The following CHRNA1 variants were observed in gnomAD, a reference collection of about 807,000 sequenced individuals.
CHRNA1 encodes acetylcholine receptor subunit alpha.
Under a neutral mutation model 47.1 loss-of-function variants are expected in CHRNA1, and 35 were observed. The ratio of observed to expected loss-of-function variants is 0.74; its 90% CI spans 0.57 to 0.99. The LOEUF is 0.99. Among genes scored for constraint, CHRNA1 ranks in the 50% least tolerant of loss-of-function variants. The pLI is 0.00. For missense variants in CHRNA1, 506 were observed against 591.1 expected (o/e 0.86, Z 1.49); for synonymous variants, 229 against 223.6 (o/e 1.02, Z -0.22).
In CHRNA1 at chr2:174,757,561, C is replaced by T; in HGVS notation, c.344+5G>A. Reference sequence around the variant, plus strand: ...CACCCTCCGCCACCCATGCAGTTTGCTCACTTGTTATAGAGAACAAGGTCT... The same window carrying T: ...CACCCTCCGCCACCCATGCAGTTTGTTCACTTGTTATAGAGAACAAGGTCT... On this transcript the variant is annotated splice_donor_5th_base_variant and intron_variant, in intron 4 of 8. Transcript: ENST00000348749. The T allele has an allele frequency of 1.2e-6, 2 of 1,611,760 alleles. No individual in the cohort carries two copies. The highest frequency in any genetic ancestry group is 8.5e-7 in the Non-Finnish European group (1 of 1,177,854).
At chr2:174,750,796 G>A (rs1190762591) in intron 6 of CHRNA1, among the ~76,000 whole-genome samples, 1 of 152,136 alleles carries the variant, frequency 6.6e-6, no homozygotes, top group Non-Finnish European at 1.5e-5. Flanking sequence ...TCATGCTCCA[G>A]ATTTCTGATT....
chr2:174,747,929 G>T lies in CHRNA1; in HGVS notation c.*195C>A. The T allele has an allele frequency of 1.5e-6, 1 of 658,994 alleles. No individual in the cohort carries two copies. Among genetic ancestry groups the T allele is most frequent in the East Asian group, 3.0e-5 (1 of 33,410 alleles). 40.8% of individuals were successfully genotyped at this position (658,994 alleles called of 1,614,324 possible). On this transcript the variant is annotated 3_prime_UTR_variant, in exon 9 of 9. Coordinates refer to ENST00000348749, the MANE Select transcript of CHRNA1 (RefSeq NM_000079.4). ...GGGTTCACTCTTCAGGGAGACAGCAGAACTAAAGGGAGAAGCAATATGAAA... is the reference window on the plus strand; with the variant it reads ...GGGTTCACTCTTCAGGGAGACAGCATAACTAAAGGGAGAAGCAATATGAAA...
chr2:174,749,079 C>A (rs1358376249), intron 7 of CHRNA1, among the ~76,000 whole-genome samples: 1 of 152,188 alleles, frequency 6.6e-6, no homozygotes, highest in Admixed American at 6.5e-5. Context: ...CATGTGCAGT[C>A]ATCGACCTGG....
rs1427734969 is a variant in CHRNA1 at position 174,748,132 on chromosome 2, G to A, written c.1366C>T (p.Gln456Ter). The A allele has an allele frequency of 6.2e-7, 1 of 1,614,028 alleles. No individual in the cohort carries two copies. Among genetic ancestry groups the A allele is most frequent in the Admixed American group, 1.7e-5 (1 of 60,016 alleles). The change falls in exon 9 of 9, where the codon CAA (glutamine) becomes TAA (stop). Residue 456 changes from glutamine to a stop codon, truncating the protein, a stop_gained. Coordinates refer to ENST00000348749, the MANE Select transcript of CHRNA1 (RefSeq NM_000079.4). LOFTEE classifies it high-confidence loss of function. ...FAGRLIELNQ[Q>*]G ...CTCAGCTCATTTTCTGCTCATCCTT[G>A]CTGATTTAATTCAATGAGTCGACCT... is the stretch of plus-strand genomic sequence containing the variant.
At position 174,754,322 on chromosome 2, in the gene CHRNA1, C is replaced by CCA. The variant is rs1683926600; in HGVS notation, c.436_437insTG (p.Ser146MetfsTer20). 4 of 1,614,074 alleles carry CCA rather than the reference C, an allele frequency of 2.5e-6. No individual in the cohort carries two copies. Among genetic ancestry groups the CCA allele is most frequent in the Non-Finnish European group, 1.7e-6 (2 of 1,180,048 alleles). ...GTGGGTGACGATGATCTCACAGTAG[C>CCA]TTTTAAAGATGGCTGGAGGTGTCCA... On this transcript the variant is annotated frameshift_variant, in exon 5 of 9. Coordinates refer to ENST00000348749, the MANE Select transcript of CHRNA1 (RefSeq NM_000079.4). LOFTEE classifies it high-confidence loss of function.
At chr2:174,751,916 G>C (rs1172721171) in intron 6 of CHRNA1, among the ~76,000 whole-genome samples, 1 of 152,006 alleles carries the variant, frequency 6.6e-6, no homozygotes. Context: ...CTGACCTCAA[G>C]TGATCCATCC....
intron 6 of CHRNA1, among the ~76,000 whole-genome samples, chr2:174,750,911 C>G (rs33954615): frequency 1.3e-5 from 2 of 151,978 alleles, no homozygotes; most frequent in African/African-American, 4.8e-5. Context: ...TAAAACGGAA[C>G]CACCCCTGGC....
At chr2:174,761,076 T>C (rs553574049) in intron 1 of CHRNA1, among the ~76,000 whole-genome samples, 2 of 152,332 alleles carry the variant, frequency 1.3e-5, no homozygotes, top group East Asian at 3.9e-4. Context: ...CATTTTGTGC[T>C]GAGCTTCTGG....
At chr2:174,749,021 T>C (rs1381351643) in intron 7 of CHRNA1, among the ~76,000 whole-genome samples, 1 of 152,158 alleles carries the variant, frequency 6.6e-6, no homozygotes, top group Non-Finnish European at 1.5e-5. Context: ...TGACTATGGT[T>C]AACAGTGATG....
chr2:174,763,303 CGTGCACGCATGT>C (rs748134892), intron 1 of CHRNA1, among the ~76,000 whole-genome samples: 1 of 141,968 alleles, frequency 7.0e-6, no homozygotes, highest in Non-Finnish European at 1.5e-5. Flanking sequence ...TGTGGTTTTG[CGTGCACGCATGT>C]GTGTGCACGC....
chr2:174,749,105 TA>T (rs1341703473), intron 7 of CHRNA1, among the ~76,000 whole-genome samples: 1 of 152,192 alleles, frequency 6.6e-6, no homozygotes, highest in Admixed American at 6.5e-5. Context: ...CCAATGAGCT[TA>T]AAAGCGTCAG....
At chr2:174,751,792 C>T (rs1272705023) in intron 6 of CHRNA1, among the ~76,000 whole-genome samples, 2 of 151,808 alleles carry the variant, frequency 1.3e-5, no homozygotes, top group Admixed American at 6.6e-5. Flanking sequence ...GATTCTCCTG[C>T]CTCAGCCTCC....
In CHRNA1 at chr2:174,754,324, T is replaced by C. The variant is rs1683926690; in HGVS notation, c.435A>G (p.Lys145=). 2.5e-6 allele frequency: 4 copies of C among 1,614,044 alleles called. No homozygotes were observed. The highest frequency in any genetic ancestry group is 1.7e-6 in the Non-Finnish European group (2 of 1,180,046). The change falls in exon 5 of 9, where the codon AAA becomes AAG. Residue 145 remains lysine, a synonymous_variant. Transcript: ENST00000348749. ...HITWTPPAIF[K]SYCEIIVTHF... ...GGGTGACGATGATCTCACAGTAGCTTTTAAAGATGGCTGGAGGTGTCCACG... is the reference window on the plus strand; with the variant it reads ...GGGTGACGATGATCTCACAGTAGCTCTTAAAGATGGCTGGAGGTGTCCACG...
Position 174,754,341 on chromosome 2 carries a change from G to A in CHRNA1, c.418C>T (p.Pro140Ser), listed in dbSNP as rs1235810008. The A allele has an allele frequency of 1.2e-6, 2 of 1,614,074 alleles. No homozygotes were observed. The highest frequency in any genetic ancestry group is 2.7e-5 in the African/African-American group (2 of 74,934). ...LQYTGHITWT[P>S]PAIFKSYCEI... ...CAGTAGCTTTTAAAGATGGCTGGAG[G>A]TGTCCACGTGATGTGGCCAGTGTAC... is the stretch of plus-strand genomic sequence containing the variant. The change falls in exon 5 of 9, where the codon CCT becomes TCT. Residue 140 changes from proline to serine, a missense_variant. Physicochemically the swap from Pro to Ser is moderately conservative, Grantham distance 74. Coordinates refer to ENST00000348749, the MANE Select transcript of CHRNA1 (RefSeq NM_000079.4).
chr2:174,748,713 T>C lies in CHRNA1; in HGVS notation c.1109A>G (p.Asp370Gly). 6.2e-7 allele frequency: 1 copy of C among 1,614,216 alleles called. No homozygotes were observed. The highest frequency in any genetic ancestry group is 1.1e-5 in the South Asian group (1 of 91,082). Reference protein sequence around the residue: ...KIFTEDIDISDISGKPGPPPM... With the variant: ...KIFTEDIDISGISGKPGPPPM... Reference sequence around the variant, plus strand: ...TGGAGGCCCTGGCTTTCCAGAAATGTCAGAGATATCAATGTCTTCTGTAAA... The same window carrying C: ...TGGAGGCCCTGGCTTTCCAGAAATGCCAGAGATATCAATGTCTTCTGTAAA... The change falls in exon 8 of 9, where the codon GAC (aspartate) becomes GGC (glycine). Residue 370 changes from aspartate (D) to glycine (G), a missense_variant. By Grantham distance (94) the Asp-to-Gly change is moderately conservative (BLOSUM62 -1). Transcript: ENST00000348749.
rs760104583 is a variant in CHRNA1 at position 174,753,564 on chromosome 2, G to A, written c.717C>T (p.Ile239=). 2.5e-6 allele frequency: 4 copies of A among 1,614,086 alleles called. No individual in the cohort carries two copies. In the East Asian group the frequency reaches 8.9e-5, roughly 36 times the overall value. Residue 239 remains isoleucine, a synonymous_variant, in exon 6 of 9, where the codon ATC becomes ATT. Transcript: ENST00000348749. ...RLPLYFIVNV[I]IPCLLFSFLT... is the part of the protein sequence containing the mutation. ...AGAAGGAGAAGAGCAGGCAGGGGAT[G>A]ATGACGTTGACGATGAAGTAGAGGG...
chr2:174,749,922 G>A (rs756368982), intron 7 of CHRNA1, 24 bp downstream of exon 7: 1 of 1,600,222 alleles, frequency 6.2e-7, no homozygotes, highest in South Asian at 1.1e-5. Flanking sequence ...TCCGTGTGAA[G>A]TCTGCAGGGG....
At position 174,748,718 on chromosome 2, in the gene CHRNA1, G is replaced by A. The variant is rs1490620415; in HGVS notation, c.1104C>T (p.Ile368=). The change falls in exon 8 of 9, where the codon ATC becomes ATT. Residue 368 remains isoleucine (I), a synonymous_variant. Coordinates refer to ENST00000348749, the MANE Select transcript of CHRNA1 (RefSeq NM_000079.4). ...GCCCTGGCTTTCCAGAAATGTCAGA[G>A]ATATCAATGTCTTCTGTAAAAATCT... ...DKKIFTEDID[I]SDISGKPGPP... 1 of 1,614,080 alleles carries A rather than the reference G, an allele frequency of 6.2e-7. No homozygotes were observed. Among genetic ancestry groups the A allele is most frequent in the African/African-American group, 1.3e-5 (1 of 74,918 alleles).
chr2:174,755,935 G>C (rs187573643), intron 4 of CHRNA1, among the ~76,000 whole-genome samples: 1 of 151,824 alleles, frequency 6.6e-6, no homozygotes, highest in African/African-American at 2.4e-5. Context: ...TACCTGGGAG[G>C]TTGAGGCAGA....
Sources: allele counts gnomAD v4.1 joint callset (sites outside exome capture counted in the v4.1 genomes callset), GRCh38; gene constraint gnomAD v4.1.1; transcripts MANE v1.5; gene names NCBI Gene and HGNC (gene_info 2026-07-23, HGNC 2026-07-21).